Variants in CSMD1 observed in about 807,000 individuals in gnomAD.
CSMD1 encodes the protein CUB and Sushi multiple domains 1.
Under a neutral mutation model 417.5 loss-of-function variants are expected in CSMD1, and 213 were observed. That is an observed-to-expected ratio of 0.51 (90% CI 0.46 to 0.57). The LOEUF (loss-of-function observed/expected upper bound fraction) is 0.57, where lower values mean the gene tolerates loss of function less well. Ranked by LOEUF, CSMD1 falls within the 20% of genes least tolerant of loss-of-function variation. CSMD1 has a pLI of 0.00. For missense variants in CSMD1, 6,923 were observed against 4,529.7 expected (o/e 1.53, Z -15.17); for synonymous variants, 2,862 against 1,736.8 (o/e 1.65, Z -16.11).
chr8:4,375,023 C>T (rs147567424), intron 3 of CSMD1, among the ~76,000 whole-genome samples: 182 of 146,130 alleles, frequency 1.2e-3, no homozygotes, highest in Admixed American at 2.9e-3. Flanking sequence ...GGGCAGGGAG[C>T]TAGAGCAATT....
intron 10 of CSMD1, among the ~76,000 whole-genome samples, chr8:3,525,562 A>G (rs1283963031): frequency 6.6e-6 from 1 of 152,174 alleles, no homozygotes; most frequent in Non-Finnish European, 1.5e-5. Flanking sequence ...CTCTCTTGAC[A>G]GTTCAGGGAA....
intron 8 of CSMD1, among the ~76,000 whole-genome samples, chr8:3,595,870 G>C (rs1429711134): frequency 6.6e-6 from 1 of 152,214 alleles, no homozygotes; most frequent in African/African-American, 2.4e-5. Context: ...ACGTGGAAGA[G>C]GGTTTGGATG....
chr8:4,020,907 C>G (rs180695050), intron 4 of CSMD1, among the ~76,000 whole-genome samples: 2 of 152,204 alleles, frequency 1.3e-5, no homozygotes, highest in Non-Finnish European at 2.9e-5. Context: ...TATGCTTCAG[C>G]AATTGCTGAA....
At chr8:3,396,595 A>G (rs1251416315) in intron 16 of CSMD1, among the ~76,000 whole-genome samples, 3 of 152,144 alleles carry the variant, frequency 2.0e-5, no homozygotes, top group Admixed American at 2.0e-4. Flanking sequence ...CTCTTATCTA[A>G]TATTCTGTCT....
chr8:3,683,257 G>C (rs371591512), intron 7 of CSMD1, among the ~76,000 whole-genome samples: 1 of 151,050 alleles, frequency 6.6e-6, no homozygotes, highest in African/African-American at 2.4e-5. Flanking sequence ...AAAAAATAAA[G>C]ACAGTGACCC....
intron 7 of CSMD1, among the ~76,000 whole-genome samples, chr8:3,620,900 C>G (rs1489230891): frequency 6.6e-6 from 1 of 152,110 alleles, no homozygotes; most frequent in Non-Finnish European, 1.5e-5. Context: ...AGGGTTACAC[C>G]TTGAAGTTCT....
At chr8:3,865,867 T>C (rs941627010) in intron 5 of CSMD1, among the ~76,000 whole-genome samples, 7 of 152,210 alleles carry the variant, frequency 4.6e-5, no homozygotes, top group African/African-American at 1.7e-4. Flanking sequence ...TGTTATAGTA[T>C]ACTAGAATTA....
At position 3,794,530 on chromosome 8, in the gene CSMD1, A is replaced by G. The variant is rs533709288; in HGVS notation, c.819-40488T>C. ...TTGTATTGTGTGTTATAATACTAAA[A>G]TAAGTATTTAATACAACTTTCCTGC... On this transcript the variant is annotated intron_variant, in intron 5 of 69. Coordinates refer to ENST00000635120, the MANE Select transcript of CSMD1 (RefSeq NM_033225.6). 7.2e-5 allele frequency among the ~76,000 whole-genome samples: 11 copies of G among 152,274 alleles called. No individual in the cohort carries two copies. In the South Asian group the frequency reaches 1.0e-3, roughly 14 times the overall value.
rs546598536 is a variant in CSMD1 at position 4,151,413 on chromosome 8, T to C, written c.416-119314A>G. Among the ~76,000 whole-genome samples, 81 of 152,310 alleles carry C rather than the reference T, an allele frequency of 5.3e-4. 1 individual carries two copies. The highest frequency in any genetic ancestry group is 1.8e-3 in the African/African-American group (75 of 41,580). On this transcript the variant is annotated intron_variant, in intron 3 of 69. Coordinates refer to ENST00000635120, the MANE Select transcript of CSMD1 (RefSeq NM_033225.6). ...GACCAAGAAAAATACTCTTTAAAAA[T>C]ATAAATAAATTCTGAGACATTTGTA...
chr8:3,871,548 C>T (rs938594467), intron 5 of CSMD1, among the ~76,000 whole-genome samples: 10 of 151,950 alleles, frequency 6.6e-5, no homozygotes, highest in African/African-American at 2.4e-4. Context: ...TTTTCTTAGT[C>T]TATTAGGTTA....
chr8:3,858,614 G>A (rs763440180), intron 5 of CSMD1, among the ~76,000 whole-genome samples: 13 of 151,906 alleles, frequency 8.6e-5, no homozygotes, highest in Non-Finnish European at 1.9e-4. Context: ...GTTCTCGAAG[G>A]CCTATTTAAA....
intron 1 of CSMD1, among the ~76,000 whole-genome samples, chr8:4,816,601 G>A (rs1037131268): frequency 2.6e-5 from 4 of 152,094 alleles, no homozygotes; most frequent in Admixed American, 6.5e-5. Flanking sequence ...AAGCACAGTC[G>A]AGGAACCAGG....
chr8:4,021,566 G>A (rs560881076), intron 4 of CSMD1, among the ~76,000 whole-genome samples: 3 of 152,074 alleles, frequency 2.0e-5, no homozygotes, highest in Admixed American at 1.3e-4. Context: ...GGTGCACCTG[G>A]GATCATCCTC....
intron 3 of CSMD1, among the ~76,000 whole-genome samples, chr8:4,262,319 C>A (rs1015368569): frequency 1.3e-5 from 2 of 152,100 alleles, no homozygotes; most frequent in African/African-American, 2.4e-5. Context: ...AGGCACTAGC[C>A]CTGCCTCTTT....
intron 3 of CSMD1, among the ~76,000 whole-genome samples, chr8:4,103,385 C>A (rs1801404734): frequency 6.6e-6 from 1 of 151,262 alleles, no homozygotes; most frequent in Non-Finnish European, 1.5e-5. Flanking sequence ...TTTCAGGGAA[C>A]CATTGGCCAA....
At chr8:3,082,224 ATCAT>A (rs1177025617) in intron 49 of CSMD1, among the ~76,000 whole-genome samples, 1 of 152,206 alleles carries the variant, frequency 6.6e-6, no homozygotes, top group Non-Finnish European at 1.5e-5. Context: ...ATGCGTGCCA[ATCAT>A]TCATTATGCC....
chr8:4,748,029 A>G (rs992249830), intron 1 of CSMD1, among the ~76,000 whole-genome samples: 1 of 152,162 alleles, frequency 6.6e-6, no homozygotes, highest in Admixed American at 6.5e-5. Flanking sequence ...TCCAAACTCT[A>G]TGTAGAAGTA....
At chr8:3,791,270 A>G (rs184307207) in intron 5 of CSMD1, among the ~76,000 whole-genome samples, 171 of 152,358 alleles carry the variant, frequency 1.1e-3, no homozygotes, top group Middle Eastern at 6.8e-3. Flanking sequence ...AGCATGTATG[A>G]TAAACTTGCT....
intron 5 of CSMD1, among the ~76,000 whole-genome samples, chr8:3,834,476 T>C (rs943133387): frequency 1.3e-5 from 2 of 152,220 alleles, no homozygotes; most frequent in South Asian, 2.1e-4. Flanking sequence ...ATGTGTGTTG[T>C]TCCAGGTCAG....
Sources: allele counts gnomAD v4.1 joint callset (sites outside exome capture counted in the v4.1 genomes callset), GRCh38; gene constraint gnomAD v4.1.1; transcripts MANE v1.5; gene names NCBI Gene and HGNC (gene_info 2026-07-23, HGNC 2026-07-21).